The following BMP7 variants were observed in gnomAD, a reference collection of about 807,000 sequenced individuals.
BMP7 encodes bone morphogenetic protein 7, also known as osteogenic protein 1.
BMP7 carries 12 observed loss-of-function variants against 41.2 expected under a neutral mutation model. The ratio of observed to expected loss-of-function variants is 0.29; its 90% CI spans 0.19 to 0.47. The LOEUF (loss-of-function observed/expected upper bound fraction) is 0.47, where lower values mean the gene tolerates loss of function less well. Ranked by LOEUF, BMP7 falls within the 20% of genes least tolerant of loss-of-function variation. The pLI, the probability that BMP7 is intolerant of heterozygous loss-of-function variation, is 0.99. For synonymous variants in BMP7, 248 were observed against 250.0 expected (o/e 0.99, Z 0.07); for missense variants, 467 against 606.0 (o/e 0.77, Z 2.41).
chr20:57,183,692 G>C, intron 4 of BMP7, 30 bp downstream of exon 4: 3 of 1,612,826 alleles, frequency 1.9e-6, no homozygotes, highest in Non-Finnish European at 2.5e-6. Context: ...TTCCTGTGGT[G>C]GGTCTGTGAT....
At chr20:57,248,125 G>A (rs965074077) in intron 1 of BMP7, among the ~76,000 whole-genome samples, 1 of 152,158 alleles carries the variant, frequency 6.6e-6, no homozygotes, top group Non-Finnish European at 1.5e-5. Context: ...ATTCACAGTG[G>A]AACACTATCA....
At position 57,259,815 on chromosome 20, in the gene BMP7, GTAT is replaced by G. The variant is rs1459043494; in HGVS notation, c.418+5887_418+5889del. ...AAAAAAATACACAGCAGCAGTCCTA[GTAT>G]TCCCTGGCATTGCTATTTCAGTTTG... On this transcript the variant is annotated intron_variant, in intron 1 of 6. Coordinates refer to ENST00000395863, the MANE Select transcript of BMP7 (RefSeq NM_001719.3). The surrounding 1 kb of genome is among the most constrained non-coding windows in gnomAD (Gnocchi z 4.7). Among the ~76,000 whole-genome samples the G allele has an allele frequency of 6.6e-6, 1 of 152,148 alleles. No individual in the cohort carries two copies. Among genetic ancestry groups the G allele is most frequent in the East Asian group, 1.9e-4 (1 of 5,198 alleles).
At chr20:57,172,572 C>A (rs1983836587) in intron 6 of BMP7, among the ~76,000 whole-genome samples, 1 of 152,170 alleles carries the variant, frequency 6.6e-6, no homozygotes, top group Non-Finnish European at 1.5e-5. Flanking sequence ...TGACAGGGAG[C>A]TACATAACCA....
chr20:57,247,518 A>T (rs2066094964), intron 1 of BMP7, among the ~76,000 whole-genome samples: 1 of 152,070 alleles, frequency 6.6e-6, no homozygotes, highest in South Asian at 2.1e-4. Flanking sequence ...TCCCCTAATC[A>T]TCTCCTCCAA....
At chr20:57,198,246 C>T (rs899606356) in intron 3 of BMP7, among the ~76,000 whole-genome samples, 8 of 151,856 alleles carry the variant, frequency 5.3e-5, no homozygotes, top group South Asian at 4.2e-4. Flanking sequence ...TCGCTCTCCT[C>T]TCTATCCTCT....
intron 2 of BMP7, 89 bp from the exon 3 acceptor site, chr20:57,202,712 TGGGA>T: frequency 1.9e-6 from 1 of 531,268 alleles, no homozygotes; most frequent in Non-Finnish European, 3.5e-6. Flanking sequence ...CCTCATGGGG[TGGGA>T]GGGGAGGGAA....
chr20:57,259,136 C>T lies in BMP7; in HGVS notation c.418+6569G>A, dbSNP rs571331037. On this transcript the variant is annotated intron_variant, in intron 1 of 6. Coordinates refer to ENST00000395863, the MANE Select transcript of BMP7 (RefSeq NM_001719.3). This position sits in a 1 kb window ranked among gnomAD's most constrained non-coding sequence, Gnocchi z 4.7. ...GTCTAAAGAGAATCACTGTGGATGC[C>T]GTTCCAATCTCCCTTGCCAAGTCAC... Among the ~76,000 whole-genome samples, 1 of 152,180 alleles carries T rather than the reference C, an allele frequency of 6.6e-6. No homozygotes were observed. Among genetic ancestry groups the T allele is most frequent in the Non-Finnish European group, 1.5e-5 (1 of 68,034 alleles).
rs1051971987 is a variant in BMP7, at chr20:57,234,290, C to T, written c.419-5869G>A. ...AACCTGGTATGAAAGAGCCCCTGTT[C>T]GCTCTCCCCGCCTTGATCTCTAAGG... On this transcript the variant is annotated intron_variant, in intron 1 of 6. Coordinates refer to ENST00000395863, the MANE Select transcript of BMP7 (RefSeq NM_001719.3). 2.2e-4 allele frequency among the ~76,000 whole-genome samples: 34 copies of T among 152,190 alleles called. 1 individual carries two copies. Among genetic ancestry groups the T allele is most frequent in the African/African-American group, 6.5e-4 (27 of 41,442 alleles).
Position 57,261,192 on chromosome 20 carries a change from A to G in BMP7, c.418+4513T>C, listed in dbSNP as rs979526308. 2.0e-5 allele frequency among the ~76,000 whole-genome samples: 3 copies of G among 152,156 alleles called. No individual in the cohort carries two copies. Among genetic ancestry groups the G allele is most frequent in the Non-Finnish European group, 4.4e-5 (3 of 68,032 alleles). On this transcript the variant is annotated intron_variant, in intron 1 of 6. Coordinates refer to ENST00000395863, the MANE Select transcript of BMP7 (RefSeq NM_001719.3). This position sits in a 1 kb window ranked among gnomAD's most constrained non-coding sequence, Gnocchi z 4.1. ...GCGCACCAGCTGTGTTTATCTCGGC[A>G]AAGGCTTGAGAGCCTACTACGCCAT...
At chr20:57,241,953 C>A (rs779436285) in intron 1 of BMP7, among the ~76,000 whole-genome samples, 3 of 152,132 alleles carry the variant, frequency 2.0e-5, no homozygotes, top group Non-Finnish European at 4.4e-5. Context: ...ACCCAGATGC[C>A]CGTAGAGCTG....
At chr20:57,235,908 T>C (rs2066045771) in intron 1 of BMP7, among the ~76,000 whole-genome samples, 1 of 151,222 alleles carries the variant, frequency 6.6e-6, no homozygotes, top group African/African-American at 2.4e-5. Flanking sequence ...GAAAGTGGAT[T>C]ATAGGGAGTG....
intron 2 of BMP7, among the ~76,000 whole-genome samples, chr20:57,211,670 G>A (rs1984887306): frequency 6.6e-6 from 1 of 152,188 alleles, no homozygotes; most frequent in Non-Finnish European, 1.5e-5. Context: ...TGATAACAGG[G>A]GAGGCAGGAG....
chr20:57,206,417 A>T (rs1232421896), intron 2 of BMP7, among the ~76,000 whole-genome samples: 3 of 152,176 alleles, frequency 2.0e-5, no homozygotes, highest in Non-Finnish European at 4.4e-5. Flanking sequence ...GTCTCCAGGG[A>T]CACACCTGAT....
intron 1 of BMP7, among the ~76,000 whole-genome samples, chr20:57,262,411 G>T (rs576513509): frequency 1.4e-4 from 22 of 152,298 alleles, no homozygotes; most frequent in African/African-American, 5.3e-4. Flanking sequence ...TACAGGCTGG[G>T]CTTTGTCATA....
chr20:57,246,875 G>A (rs1420385397), intron 1 of BMP7, among the ~76,000 whole-genome samples: 1 of 151,752 alleles, frequency 6.6e-6, no homozygotes, highest in African/African-American at 2.4e-5. Flanking sequence ...TGTACTCCCA[G>A]CTACTCAGGA....
At chr20:57,258,047 G>A (rs1214482268) in intron 1 of BMP7, among the ~76,000 whole-genome samples, 2 of 152,094 alleles carry the variant, frequency 1.3e-5, no homozygotes, top group South Asian at 4.1e-4. Flanking sequence ...TTTTGGAAAC[G>A]GTGCAAGTTT....
chr20:57,226,067 G>A, intron 2 of BMP7: 1 of 422,520 alleles, frequency 2.4e-6, no homozygotes. Flanking sequence ...CGGCAGCCTG[G>A]CAGGGAGGAC....
intron 3 of BMP7, among the ~76,000 whole-genome samples, chr20:57,193,618 C>T (rs953212471): frequency 2.0e-5 from 3 of 152,238 alleles, no homozygotes; most frequent in Non-Finnish European, 4.4e-5. Context: ...CACGTAGCTG[C>T]ATTTCAATAG....
intron 1 of BMP7, among the ~76,000 whole-genome samples, chr20:57,242,696 T>G (rs1055966499): frequency 6.6e-6 from 1 of 152,150 alleles, no homozygotes; most frequent in Non-Finnish European, 1.5e-5. Flanking sequence ...TGTATTTCAT[T>G]GTAATTAATT....
Sources: gnomAD v4.1 joint callset for allele counts (sites outside exome capture counted in the v4.1 genomes callset) on GRCh38, gnomAD v4.1.1 for gene constraint, Gnocchi (gnomAD v3.1) non-coding constraint, MANE v1.5 for transcripts, NCBI Gene and HGNC (gene_info 2026-07-23, HGNC 2026-07-21) for gene names.